Variants in COL4A4 observed in about 807,000 individuals in gnomAD.
The protein encoded by COL4A4 is collagen alpha-4(IV) chain.
Under a neutral mutation model 192.9 loss-of-function variants are expected in COL4A4, and 105 were observed. The observed-to-expected ratio is 0.54, with a 90% CI of 0.46 to 0.64. COL4A4 has a LOEUF of 0.64. COL4A4 is among the 30% of genes least tolerant of loss of function. COL4A4 has a pLI of 0.00. For synonymous variants in COL4A4, 762 were observed against 769.9 expected, an observed-to-expected ratio of 0.99 and a Z score of 0.17; for missense variants, 1,967 against 2,169.3, an observed-to-expected ratio of 0.91 and a Z score of 1.85.
At chr2:227,016,301 G>A (rs1013252245) in intron 44 of COL4A4, among the ~76,000 whole-genome samples, 1 of 152,176 alleles carries the variant, frequency 6.6e-6, no homozygotes, top group Non-Finnish European at 1.5e-5. Context: ...GGAGTCACGT[G>A]TTCATTCACC....
chr2:226,998,510 C>CA (rs1239620368), downstream of COL4A4: 2 of 152,046 alleles, frequency 1.3e-5, no homozygotes, highest in East Asian at 3.8e-4. Context: ...TTCAATTAGT[C>CA]AAAAAATATA....
At chr2:227,001,304 AG>A (rs1960904142), downstream of COL4A4, among the ~76,000 whole-genome samples, 3 of 152,026 alleles carry the variant, frequency 2.0e-5, no homozygotes, top group South Asian at 6.2e-4. Flanking sequence ...CATGTTAGCC[AG>A]GATGGTCTTG....
In COL4A4 at chr2:227,007,188, G is replaced by A; in HGVS notation, c.*137C>T. On this transcript the variant is annotated 3_prime_UTR_variant, in exon 48 of 48. Transcript: ENST00000396625. ...TGTGTAAGGAACCAGAGGACTCTGG[G>A]AATAACCACGACAAAACAGAAGGAA... 1 of 1,252,568 alleles carries A rather than the reference G, an allele frequency of 8.0e-7. No homozygotes were observed. The highest frequency in any genetic ancestry group is 1.7e-5 in the Admixed American group (1 of 59,316). 77.6% of individuals were successfully genotyped at this position (1,252,568 alleles called of 1,614,324 possible).
chr2:226,994,940 G>A, the COL4A4 span, among the ~76,000 whole-genome samples: 1 of 152,114 alleles, frequency 6.6e-6, no homozygotes, highest in Non-Finnish European at 1.5e-5. Flanking sequence ...GTGGTTGCTT[G>A]TGTGTTTCAA....
At chr2:227,022,410 C>T (rs574018806) in intron 43 of COL4A4, 9 of 730,924 alleles carry the variant, frequency 1.2e-5, no homozygotes, top group Admixed American at 1.7e-5. Flanking sequence ...TCGGGCTGAC[C>T]GAATGAGTGA....
In COL4A4 at chr2:227,098,767, G is replaced by A. The variant is rs1214569258; in HGVS notation, c.1131C>T (p.Arg377=). 2 of 1,614,060 alleles carry A rather than the reference G, an allele frequency of 1.2e-6. No homozygotes were observed. Among genetic ancestry groups the A allele is most frequent in the Middle Eastern group, 1.6e-4 (1 of 6,062 alleles). ...GTCCAACATCCCCTGTTTCTCCATAGCGGCCAGGGAACCCTGGGTCCCCTG... is the reference window on the plus strand; with the variant it reads ...GTCCAACATCCCCTGTTTCTCCATAACGGCCAGGGAACCCTGGGTCCCCTG... ...GPPGDPGFPG[R]YGETGDVGPP... is the part of the protein sequence containing the mutation. Residue 377 remains arginine (R), a synonymous_variant, in exon 19 of 48, where the codon CGC becomes CGT. Coordinates refer to ENST00000396625, the MANE Select transcript of COL4A4 (RefSeq NM_000092.5).
At chr2:227,144,788 G>A (rs1313897421) in intron 2 of COL4A4, among the ~76,000 whole-genome samples, 1 of 152,108 alleles carries the variant, frequency 6.6e-6, no homozygotes, top group Admixed American at 6.5e-5. Flanking sequence ...CCCCTTGTGT[G>A]GTCCTCATTG....
chr2:227,014,063 C>A (rs746847071), intron 44 of COL4A4, among the ~76,000 whole-genome samples: 1 of 152,252 alleles, frequency 6.6e-6, no homozygotes, highest in Non-Finnish European at 1.5e-5. Context: ...CTCCCTGCCC[C>A]TCTGCGGCCC....
At chr2:227,047,008 T>C (rs1239565071) in intron 35 of COL4A4, among the ~76,000 whole-genome samples, 2 of 152,090 alleles carry the variant, frequency 1.3e-5, no homozygotes, top group Non-Finnish European at 2.9e-5. Context: ...GATTCAATGA[T>C]GGCTCAACAA....
chr2:227,028,450 C>T (rs1334731505), intron 41 of COL4A4, among the ~76,000 whole-genome samples: 1 of 152,108 alleles, frequency 6.6e-6, no homozygotes, highest in Non-Finnish European at 1.5e-5. Flanking sequence ...TCTTCCACAT[C>T]CATGATGTCT....
chr2:227,068,149 T>C (rs112001812), intron 25 of COL4A4, among the ~76,000 whole-genome samples: 315 of 146,460 alleles, frequency 2.2e-3, no homozygotes, highest in African/African-American at 6.8e-3. Flanking sequence ...ACACATACAC[T>C]CTCCCAAGAC....
intron 37 of COL4A4, among the ~76,000 whole-genome samples, chr2:227,037,781 AAC>A (rs2150034022): frequency 8.5e-6 from 1 of 117,062 alleles, no homozygotes; most frequent in East Asian, 2.3e-4. Flanking sequence ...TCTCCATTCT[AAC>A]TGGCAATGAG....
rs750563032 is a variant in COL4A4 at position 227,094,107 on chromosome 2, G to A, written c.1369+18C>T. 2 of 1,610,592 alleles carry A rather than the reference G, an allele frequency of 1.2e-6. No homozygotes were observed. The highest frequency in any genetic ancestry group is 3.3e-5 in the Admixed American group (2 of 59,918). ...AAGCAGCATAAATGCTAATGGATAT[G>A]AATAAGGAGTACTTTACCACTTGAT... On this transcript the variant is annotated intron_variant, in intron 20 of 47. Coordinates refer to ENST00000396625, the MANE Select transcript of COL4A4 (RefSeq NM_000092.5).
intron 20 of COL4A4, among the ~76,000 whole-genome samples, chr2:227,091,464 G>A (rs2059927298): frequency 6.7e-6 from 1 of 149,830 alleles, no homozygotes; most frequent in South Asian, 2.1e-4. Context: ...TTTTCTGACA[G>A]ATAGATAGAG....
the COL4A4 span, among the ~76,000 whole-genome samples, chr2:226,971,546 A>G: frequency 0.43 from 65,679 of 152,126 alleles, 14,276 homozygotes; most frequent in South Asian, 0.52. Flanking sequence ...TGATAAGTTC[A>G]TGAAGCAGCA....
intron 1 of COL4A4, among the ~76,000 whole-genome samples, chr2:227,151,988 C>T (rs2063979974): frequency 6.6e-6 from 1 of 152,144 alleles, no homozygotes; most frequent in Non-Finnish European, 1.5e-5. Flanking sequence ...ACATATATAC[C>T]AAGAGTGAGA....
chr2:227,011,992 CAGTT>C (rs1173156178), intron 45 of COL4A4, among the ~76,000 whole-genome samples, 185 bp downstream of exon 45: 2 of 152,206 alleles, frequency 1.3e-5, no homozygotes, highest in Admixed American at 6.5e-5. Context: ...GGTTTAACAT[CAGTT>C]AGAACATAAG....
Position 227,057,490 on chromosome 2 carries a change from C to A in COL4A4, c.2494G>T (p.Ala832Ser). The A allele has an allele frequency of 6.2e-7, 1 of 1,612,728 alleles. No homozygotes were observed. Among genetic ancestry groups the A allele is most frequent in the Non-Finnish European group, 8.5e-7 (1 of 1,179,502 alleles). Residue 832 changes from alanine to serine, a missense_variant, in exon 29 of 48, where the codon GCT becomes TCT. Physicochemically the swap from Ala to Ser is moderately conservative, Grantham distance 99 (BLOSUM62 1). Transcript: ENST00000396625. ...CCCGGTTGCCCTGGTATCCCTGGAG[C>A]ACCTCTTTCACAGGAATGGCCAGGT... ...GPPGHSCERG[A>S]PGIPGQPGLP...
At chr2:227,062,739 T>C (rs1977451115) in intron 25 of COL4A4, 141 bp from the exon 26 acceptor site, 1 of 691,762 alleles carries the variant, frequency 1.4e-6, no homozygotes, top group Non-Finnish European at 2.6e-6. Context: ...CCAAGTATCA[T>C]TAGATCACTT....
Sources: gnomAD v4.1 joint callset for allele counts (sites outside exome capture counted in the v4.1 genomes callset) on GRCh38, gnomAD v4.1.1 for gene constraint, MANE v1.5 for transcripts, NCBI Gene and HGNC (gene_info 2026-07-23, HGNC 2026-07-21) for gene names.